Variants in NRP2 observed in about 807,000 individuals in gnomAD.
The protein encoded by NRP2 is neuropilin-2.
A neutral mutation model predicts 110.4 loss-of-function variants in NRP2; 52 were observed. The observed-to-expected ratio is 0.47, with a 90% CI of 0.38 to 0.59. NRP2 has a LOEUF of 0.59. Among genes scored for constraint, NRP2 ranks in the 20% least tolerant of loss-of-function variants. The pLI is 0.00. For missense variants in NRP2, 1,049 were observed against 1,203.0 expected, an observed-to-expected ratio of 0.87 and a Z score of 1.89; for synonymous variants, 508 against 468.9, an observed-to-expected ratio of 1.08 and a Z score of -1.08.
intron 2 of NRP2, among the ~76,000 whole-genome samples, chr2:205,707,833 G>A (rs563350041): frequency 1.3e-4 from 20 of 152,230 alleles, no homozygotes; most frequent in African/African-American, 4.3e-4. Context: ...TCACCCTGCC[G>A]AGTAAAGGGG....
intron 6 of NRP2, among the ~76,000 whole-genome samples, chr2:205,727,526 G>A (rs2057150631): frequency 6.6e-6 from 1 of 152,188 alleles, no homozygotes; most frequent in Admixed American, 6.5e-5. Context: ...GAGTGGAGTA[G>A]ATTCAACCTT....
intron 2 of NRP2, among the ~76,000 whole-genome samples, chr2:205,714,496 G>A (rs1452788750): frequency 6.6e-6 from 1 of 152,204 alleles, no homozygotes; most frequent in Non-Finnish European, 1.5e-5. Flanking sequence ...AGCACGGAGG[G>A]GTTTTCTGGA....
At chr2:205,777,195 C>T (rs1157404816) in intron 15 of NRP2, 10 of 969,110 alleles carry the variant, frequency 1.0e-5, no homozygotes, top group Non-Finnish European at 1.2e-5. Flanking sequence ...TTGTCATCTC[C>T]AGGTACCTAA....
In NRP2 at chr2:205,716,245, G is replaced by A. The variant is rs2056892079; in HGVS notation, c.304G>A (p.Gly102Ser). 1.2e-6 allele frequency: 2 copies of A among 1,614,124 alleles called. No individual in the cohort carries two copies. The highest frequency in any genetic ancestry group is 1.1e-5 in the South Asian group (1 of 91,074). Residue 102 changes from glycine (G) to serine (S), a missense_variant, in exon 3 of 17, where the codon GGC (glycine) becomes AGC (serine). Coordinates refer to ENST00000357785, the MANE Select transcript of NRP2 (RefSeq NM_003872.3). ...DGDSESADLL[G>S]KHCGNIAPPT... ...GGACAGTGAATCCGCAGACCTCCTG[G>A]GCAAACACTGTGGGAACATCGCCCC...
intron 2 of NRP2, among the ~76,000 whole-genome samples, chr2:205,714,262 G>A (rs2056851605): frequency 6.6e-6 from 1 of 152,182 alleles, no homozygotes. Flanking sequence ...ACTTGCCTGA[G>A]GTCACCCAGC....
intron 15 of NRP2, among the ~76,000 whole-genome samples, chr2:205,770,989 G>A (rs1460331493): frequency 2.0e-5 from 3 of 152,170 alleles, no homozygotes; most frequent in Non-Finnish European, 2.9e-5. Context: ...AACAACTGCC[G>A]AGGCCAGCTT....
At chr2:205,748,658 G>C (rs775855354) in intron 10 of NRP2, among the ~76,000 whole-genome samples, 29 of 152,166 alleles carry the variant, frequency 1.9e-4, no homozygotes, top group Non-Finnish European at 3.5e-4. Context: ...GCCTGACAAA[G>C]GCGCCTAATC....
chr2:205,750,542 G>C (rs2057625099), intron 11 of NRP2, among the ~76,000 whole-genome samples: 1 of 152,194 alleles, frequency 6.6e-6, no homozygotes, highest in Non-Finnish European at 1.5e-5. Flanking sequence ...GTATATCCAA[G>C]TTAGATAAAA....
chr2:205,688,504 A>G (rs377391049), intron 1 of NRP2, among the ~76,000 whole-genome samples: 27 of 152,348 alleles, frequency 1.8e-4, no homozygotes, highest in African/African-American at 6.5e-4. Flanking sequence ...ATTGCCTAAC[A>G]GGATTCAGTG....
intron 6 of NRP2, among the ~76,000 whole-genome samples, chr2:205,727,443 G>A (rs1486602466): frequency 6.6e-6 from 1 of 152,206 alleles, no homozygotes; most frequent in Non-Finnish European, 1.5e-5. Flanking sequence ...GGTGTGGGGA[G>A]GGGATGCCTC....
At chr2:205,747,718 G>C (rs1038232473) in intron 10 of NRP2, among the ~76,000 whole-genome samples, 1 of 152,178 alleles carries the variant, frequency 6.6e-6, no homozygotes, top group Non-Finnish European at 1.5e-5. Flanking sequence ...AGGTCACTCA[G>C]CTGGATGAAG....
intron 15 of NRP2, among the ~76,000 whole-genome samples, chr2:205,789,866 G>C (rs1243682941): frequency 6.6e-6 from 1 of 152,252 alleles, no homozygotes; most frequent in Non-Finnish European, 1.5e-5. Flanking sequence ...TTTTGAGAGA[G>C]AGAAAGCTCT....
intron 2 of NRP2, among the ~76,000 whole-genome samples, chr2:205,709,420 C>T (rs1430995030): frequency 2.6e-5 from 4 of 152,238 alleles, no homozygotes; most frequent in African/African-American, 9.6e-5. Context: ...GCATCTGGCA[C>T]TGTGCTGGGC....
At chr2:205,755,610 G>GAAA (rs58417592) in intron 12 of NRP2, among the ~76,000 whole-genome samples, 4 of 147,344 alleles carry the variant, frequency 2.7e-5, no homozygotes. Flanking sequence ...TCTCCATAGG[G>GAAA]AAAAAAAAAA....
rs796959863 is a variant in NRP2, at chr2:205,776,715, T to C, written c.2425+9912T>C. 4.7e-6 allele frequency: 7 copies of C among 1,484,194 alleles called. 1 individual carries two copies. In the African/African-American group the frequency reaches 9.8e-5, roughly 21 times the overall value. 91.9% of individuals were successfully genotyped at this position (1,484,194 alleles called of 1,614,324 possible). A position where few individuals can be genotyped will look rare whatever the true frequency, so the allele number is the denominator to read the frequency against. The stretch of plus-strand genomic sequence containing the variant: ...TGGGTTCATTTTGGTTTCTGGTTTT[T>C]CTTTTTCCTTTTTGTTGATTCCAAA... On this transcript the variant is annotated intron_variant, in intron 15 of 16. Coordinates refer to ENST00000357785, the MANE Select transcript of NRP2 (RefSeq NM_003872.3).
At chr2:205,701,697 A>G (rs1559312050) in intron 2 of NRP2, 1 of 152,218 alleles carries the variant, frequency 6.6e-6, no homozygotes, top group Non-Finnish European at 1.5e-5. Flanking sequence ...CAGCCCAGCA[A>G]TATCTCATAT....
chr2:205,792,199 T>A, intron 15 of NRP2, 36 bp from the exon 16 acceptor site: 1 of 1,421,026 alleles, frequency 7.0e-7, no homozygotes. Flanking sequence ...TGATAGAACT[T>A]GTTATTAACT....
intron 7 of NRP2, among the ~76,000 whole-genome samples, chr2:205,736,211 G>A (rs544828295): frequency 2.6e-5 from 4 of 152,070 alleles, no homozygotes; most frequent in East Asian, 1.9e-4. Context: ...GCTTGGTGGC[G>A]CATACCTGTA....
chr2:205,714,497 G>C (rs996516745), intron 2 of NRP2, among the ~76,000 whole-genome samples: 4 of 152,232 alleles, frequency 2.6e-5, no homozygotes, highest in African/African-American at 9.6e-5. Context: ...GCACGGAGGG[G>C]TTTTCTGGAA....
Sources: allele counts gnomAD v4.1 joint callset (sites outside exome capture counted in the v4.1 genomes callset), GRCh38; gene constraint gnomAD v4.1.1; transcripts MANE v1.5; gene names NCBI Gene and HGNC (gene_info 2026-07-23, HGNC 2026-07-21).